The following TNFSF11 variants were observed in gnomAD, a reference collection of about 807,000 sequenced individuals.
TNFSF11 encodes TNF superfamily member 11.
Under a neutral mutation model 32.2 loss-of-function variants are expected in TNFSF11, and 12 were observed. That is an observed-to-expected ratio of 0.37 (90% CI 0.24 to 0.60). TNFSF11 has a LOEUF of 0.60. Ranked by LOEUF, TNFSF11 falls within the 20% of genes least tolerant of loss-of-function variation. The probability of loss-of-function intolerance (pLI) is 0.66; values close to 1 mark genes in which losing one functional copy is unlikely to be tolerated. For missense variants in TNFSF11, 345 were observed against 398.0 expected, an observed-to-expected ratio of 0.87 and a Z score of 1.13; for synonymous variants, 172 against 152.1, an observed-to-expected ratio of 1.13 and a Z score of -0.96.
upstream of TNFSF11, among the ~76,000 whole-genome samples, chr13:42,572,860 G>A (rs2137849594): frequency 6.6e-6 from 1 of 152,234 alleles, no homozygotes; most frequent in Non-Finnish European, 1.5e-5. Flanking sequence ...AGCGAATTAG[G>A]CAGAAAGAGG....
chr13:42,572,591 C>T (rs183599708), upstream of TNFSF11, among the ~76,000 whole-genome samples: 1,424 of 152,250 alleles, frequency 9.4e-3, 12 homozygotes, highest in Non-Finnish European at 0.015. Context: ...GTAGAATTAA[C>T]GTCAATTGTT....
rs972671661 is a variant in TNFSF11 at position 42,574,375 on chromosome 13, C to T, written c.72C>T (p.Ala24=). 1 of 1,543,424 alleles carries T rather than the reference C, an allele frequency of 6.5e-7. No homozygotes were observed. ...AGGAGATGGGCGGCGGCCCCGGAGC[C>T]CCGCACGAGGGCCCCCTGCACGCCC... is the stretch of plus-strand genomic sequence containing the variant. ...GSEEMGGGPG[A]PHEGPLHAPP... is the part of the protein sequence containing the mutation. The change falls in exon 1 of 5, where the codon GCC becomes GCT. Residue 24 remains alanine, a synonymous_variant. Coordinates refer to ENST00000398795, the MANE Select transcript of TNFSF11 (RefSeq NM_003701.4).
rs540874129 is a variant in TNFSF11, at chr13:42,583,008, G to A, written c.387+1715G>A. ...ATGTTGTAACTCCTCAAAATGATGA[G>A]ATAAACTTTTTATTTCATTGGTGTG... On this transcript the variant is annotated intron_variant, in intron 2 of 4. Transcript: ENST00000398795. 3.3e-5 allele frequency among the ~76,000 whole-genome samples: 5 copies of A among 152,240 alleles called. No homozygotes were observed. In the East Asian group the frequency reaches 9.6e-4, roughly 29 times the overall value.
chr13:42,578,395 T>A (rs931920031), intron 1 of TNFSF11, among the ~76,000 whole-genome samples: 1 of 152,226 alleles, frequency 6.6e-6, no homozygotes, highest in East Asian at 1.9e-4. Context: ...CCTTGCACCC[T>A]GAACCTCTCC....
At chr13:42,587,947 A>T (rs1323253107) in intron 2 of TNFSF11, among the ~76,000 whole-genome samples, 1 of 152,216 alleles carries the variant, frequency 6.6e-6, no homozygotes, top group East Asian at 1.9e-4. Flanking sequence ...TAAAAAAAGG[A>T]GAGGAGGGAT....
chr13:42,601,188 T>C lies in TNFSF11; in HGVS notation c.532+207T>C, dbSNP rs1019928704. 2.0e-5 allele frequency among the ~76,000 whole-genome samples: 3 copies of C among 152,320 alleles called. No individual in the cohort carries two copies. In the East Asian group the frequency reaches 5.8e-4, roughly 29 times the overall value. On this transcript the variant is annotated intron_variant, in intron 4 of 4. Coordinates refer to ENST00000398795, the MANE Select transcript of TNFSF11 (RefSeq NM_003701.4). ...TGTCAGAATGGACATCATCACCCTA[T>C]TCATTTTCAGATCATCAGAATGGAT... is the stretch of plus-strand genomic sequence containing the variant.
chr13:42,574,864 C>T (rs1873229030), intron 1 of TNFSF11, among the ~76,000 whole-genome samples: 1 of 152,208 alleles, frequency 6.6e-6, no homozygotes, highest in African/African-American at 2.4e-5. Context: ...TACTTTTTCT[C>T]CCTGTCATTT....
intron 1 of TNFSF11, among the ~76,000 whole-genome samples, chr13:42,564,035 C>T (rs1009555195): frequency 5.3e-5 from 8 of 151,908 alleles, no homozygotes; most frequent in African/African-American, 1.7e-4. Flanking sequence ...AATATTGTTC[C>T]TCTATTTTAG....
chr13:42,566,830 T>TA (rs1168403771), intron 2 of TNFSF11: 2 of 151,820 alleles, frequency 1.3e-5, no homozygotes, highest in African/African-American at 4.8e-5. Flanking sequence ...CCATCTCTAG[T>TA]AAAAATACAA....
intron 2 of TNFSF11, among the ~76,000 whole-genome samples, chr13:42,590,305 A>C (rs189873194): frequency 7.4e-4 from 113 of 152,348 alleles, no homozygotes; most frequent in South Asian, 6.6e-3. Flanking sequence ...AGGATTCTTA[A>C]GGGGCTGGAG....
chr13:42,568,165 C>T (rs1325800), intron 2 of TNFSF11, among the ~76,000 whole-genome samples: 28,617 of 152,214 alleles, frequency 0.19, 2,906 homozygotes, highest in East Asian at 0.31. Context: ...GTGGGACGCA[C>T]GTAACATGCA....
chr13:42,572,728 A>G (rs1594456978), upstream of TNFSF11, among the ~76,000 whole-genome samples: 1 of 152,236 alleles, frequency 6.6e-6, no homozygotes, highest in African/African-American at 2.4e-5. Context: ...CTTTAAAAAA[A>G]ATTCAACCTG....
chr13:42,600,909 C>G lies in TNFSF11; in HGVS notation c.460C>G (p.Leu154Val). 6.2e-7 allele frequency: 1 copy of G among 1,614,086 alleles called. No individual in the cohort carries two copies. Among genetic ancestry groups the G allele is most frequent in the Non-Finnish European group, 8.5e-7 (1 of 1,179,998 alleles). The change falls in exon 4 of 5, where the codon CTG (leucine) becomes GTG (valine). Residue 154 changes from leucine to valine, a missense_variant. By Grantham distance (32) the Leu-to-Val change is conservative. Around this residue, in one of 2 missense-constraint regions of TNFSF11, gnomAD observed 148 missense variants for 216.0 expected, o/e 0.69. Coordinates refer to ENST00000398795, the MANE Select transcript of TNFSF11 (RefSeq NM_003701.4). The stretch of plus-strand genomic sequence containing the variant: ...GATGGTGGATGGCTCATGGTTAGAT[C>G]TGGCCAAGAGGAGCAAGCTTGAAGC... The part of the protein sequence containing the change: ...KAMVDGSWLD[L>V]AKRSKLEAQP...
intron 1 of TNFSF11, among the ~76,000 whole-genome samples, chr13:42,577,062 T>G (rs1466779814): frequency 6.6e-6 from 1 of 152,208 alleles, no homozygotes; most frequent in African/African-American, 2.4e-5. Context: ...GTTTTTTGAT[T>G]CCCACTAAAG....
At chr13:42,591,858 G>A (rs1260625535) in intron 2 of TNFSF11, among the ~76,000 whole-genome samples, 4 of 152,164 alleles carry the variant, frequency 2.6e-5, no homozygotes, top group African/African-American at 9.7e-5. Context: ...ATGAAACACT[G>A]GCTAAGGCAG....
chr13:42,591,076 A>C (rs1868445446), intron 2 of TNFSF11, among the ~76,000 whole-genome samples: 1 of 152,152 alleles, frequency 6.6e-6, no homozygotes, highest in South Asian at 2.1e-4. Flanking sequence ...TTTTTCACTG[A>C]GAATTTTCAC....
chr13:42,581,385 CT>C, intron 2 of TNFSF11, 92 bp downstream of exon 2: 1 of 1,353,982 alleles, frequency 7.4e-7, no homozygotes, highest in Non-Finnish European at 1.0e-6. Flanking sequence ...TGACTCTGCT[CT>C]TTTTATTCTA....
chr13:42,585,825 G>T (rs1346548342), intron 2 of TNFSF11, among the ~76,000 whole-genome samples: 2 of 152,204 alleles, frequency 1.3e-5, no homozygotes, highest in Admixed American at 1.3e-4. Context: ...ACTTTAGTGT[G>T]CTGGCTTGTT....
chr13:42,576,208 A>G (rs933276799), intron 1 of TNFSF11, among the ~76,000 whole-genome samples: 5 of 152,254 alleles, frequency 3.3e-5, no homozygotes, highest in African/African-American at 1.2e-4. Flanking sequence ...TCCAATGTTG[A>G]ACGAGCAGTA....
Sources: gnomAD v4.1 joint callset for allele counts (sites outside exome capture counted in the v4.1 genomes callset) on GRCh38, gnomAD v4.1.1 for gene constraint, gnomAD v4.1.1 regional missense constraint, MANE v1.5 for transcripts, NCBI Gene and HGNC (gene_info 2026-07-23, HGNC 2026-07-21) for gene names.